The following ZC3H7A variants were observed in gnomAD, a reference collection of about 807,000 sequenced individuals.
ZC3H7A encodes the protein zinc finger CCCH domain-containing protein 7A.
In ZC3H7A, 44 loss-of-function variants were observed where a neutral mutation model predicts 125.5. That is an observed-to-expected ratio of 0.35 (90% CI 0.28 to 0.45). ZC3H7A has a LOEUF of 0.45. ZC3H7A is among the 20% of genes least tolerant of loss of function. ZC3H7A has a pLI of 1.00. For missense variants in ZC3H7A, 977 were observed against 1,170.7 expected, an observed-to-expected ratio of 0.83 and a Z score of 2.41; for synonymous variants, 399 against 391.2, an observed-to-expected ratio of 1.02 and a Z score of -0.23.
rs1361811830 is a variant in ZC3H7A at position 11,768,331 on chromosome 16, G to A, written c.1344C>T (p.Ile448=). 1.3e-6 allele frequency: 2 copies of A among 1,553,398 alleles called. No homozygotes were observed. The highest frequency in any genetic ancestry group is 2.3e-5 in the East Asian group (1 of 44,022). Reference sequence around the variant, plus strand: ...GGTCCTGACCTGATTTTACAAAACAGATCTGGCAAGCTTGTCTCAATTCAT... The same window carrying A: ...GGTCCTGACCTGATTTTACAAAACAAATCTGGCAAGCTTGTCTCAATTCAT... ...GTHELRQACQ[I]CFVKSGPKLM... The change falls in exon 12 of 23, where the codon ATC becomes ATT. Residue 448 remains isoleucine, a synonymous_variant. Transcript: ENST00000355758.
intron 12 of ZC3H7A, among the ~76,000 whole-genome samples, chr16:11,767,849 T>G (rs1211416480): frequency 3.3e-5 from 5 of 152,232 alleles, no homozygotes; most frequent in African/African-American, 1.2e-4. Context: ...AGAGGAATTT[T>G]GATGGCTTAT....
chr16:11,791,625 C>T (rs1247835952), intron 1 of ZC3H7A, among the ~76,000 whole-genome samples: 1 of 152,130 alleles, frequency 6.6e-6, no homozygotes, highest in African/African-American at 2.4e-5. Context: ...AGTTCAGAGG[C>T]CCAGGAGATA....
intron 3 of ZC3H7A, among the ~76,000 whole-genome samples, chr16:11,780,615 C>T (rs548929941): frequency 3.3e-5 from 5 of 152,232 alleles, no homozygotes; most frequent in East Asian, 1.9e-4. Context: ...CCCAGGTCCA[C>T]GTGCAAAATG....
At chr16:11,754,585 C>A (rs1365538764) in intron 21 of ZC3H7A, among the ~76,000 whole-genome samples, 1 of 151,828 alleles carries the variant, frequency 6.6e-6, no homozygotes, top group African/African-American at 2.4e-5. Context: ...TCAAGTGGAA[C>A]TATAGATTAT....
chr16:11,759,661 A>T (rs1344285172), intron 19 of ZC3H7A: 1 of 152,256 alleles, frequency 6.6e-6, no homozygotes, highest in South Asian at 2.1e-4. Flanking sequence ...GTGTTTACAT[A>T]ACACCATCAC....
At position 11,774,408 on chromosome 16, in the gene ZC3H7A, G is replaced by T; in HGVS notation, c.731C>A (p.Ser244Tyr). The T allele has an allele frequency of 1.2e-6, 2 of 1,613,446 alleles. No individual in the cohort carries two copies. The highest frequency in any genetic ancestry group is 1.7e-6 in the Non-Finnish European group (2 of 1,179,618). The change falls in exon 9 of 23, where the codon TCT (serine) becomes TAT (tyrosine). Residue 244 changes from serine to tyrosine, a missense_variant. Physicochemically the swap from Ser to Tyr is moderately radical, Grantham distance 144. Around this residue, in one of 3 missense-constraint regions of ZC3H7A, gnomAD observed 342 missense variants for 311.3 expected, o/e 1.10. Transcript: ENST00000355758. ...LASVPVMPLT[S>Y]ILPLQVEESA... ...CTCTTCCACTTGTAGTGGCAAAATA[G>T]AAGTTAAGGGCATAACAGGAACTGA...
intron 4 of ZC3H7A, 57 bp downstream of exon 4, chr16:11,779,109 A>C: frequency 7.3e-7 from 1 of 1,371,168 alleles, no homozygotes; most frequent in Middle Eastern, 2.6e-4. Context: ...TAATGTACTA[A>C]GTCATTGAAA....
At chr16:11,771,649 C>T (rs956583148) in intron 9 of ZC3H7A, among the ~76,000 whole-genome samples, 12 of 151,492 alleles carry the variant, frequency 7.9e-5, no homozygotes, top group East Asian at 2.0e-4. Flanking sequence ...TACAGGCATG[C>T]GCCACCTCGC....
At chr16:11,766,170 C>G (rs890280662) in intron 13 of ZC3H7A, among the ~76,000 whole-genome samples, 1 of 151,866 alleles carries the variant, frequency 6.6e-6, no homozygotes, top group East Asian at 1.9e-4. Context: ...ATGAAAATAC[C>G]AAGTTCTCTC....
intron 3 of ZC3H7A, among the ~76,000 whole-genome samples, chr16:11,780,715 G>A (rs919534673): frequency 1.3e-5 from 2 of 152,092 alleles, no homozygotes; most frequent in South Asian, 2.1e-4. Flanking sequence ...GAAGAAAAGG[G>A]GAGGAGGGAG....
At chr16:11,779,071 T>G (rs1440383324) in intron 4 of ZC3H7A, 95 bp downstream of exon 4, 24 of 1,121,420 alleles carry the variant, frequency 2.1e-5, no homozygotes, top group Non-Finnish European at 2.5e-5. Context: ...TATGACTTTC[T>G]TAAAAACTTA....
intron 4 of ZC3H7A, among the ~76,000 whole-genome samples, chr16:11,778,035 AAG>A (rs2141203610): frequency 6.6e-6 from 1 of 151,950 alleles, no homozygotes; most frequent in South Asian, 2.1e-4. Context: ...AAAAAAAAAA[AAG>A]TTTTAAAAGG....
intron 9 of ZC3H7A, among the ~76,000 whole-genome samples, chr16:11,773,416 A>T (rs2053021474): frequency 6.6e-6 from 1 of 151,918 alleles, no homozygotes; most frequent in South Asian, 2.1e-4. Flanking sequence ...TCCATATGTC[A>T]CAAAATATTA....
At chr16:11,776,200 C>A in intron 7 of ZC3H7A, 120 bp downstream of exon 7, 1 of 939,940 alleles carries the variant, frequency 1.1e-6, no homozygotes, top group East Asian at 2.5e-5. Context: ...TTGCCAATTA[C>A]GTGTTTGAGG....
At chr16:11,761,741 C>T in intron 18 of ZC3H7A, 169 bp downstream of exon 18, 1 of 968,360 alleles carries the variant, frequency 1.0e-6, no homozygotes, top group Non-Finnish European at 1.5e-6. Flanking sequence ...CTTGTGAATT[C>T]TTATCTACTA....
intron 18 of ZC3H7A, 146 bp from the exon 19 acceptor site, chr16:11,761,657 C>A: frequency 1.1e-6 from 1 of 888,122 alleles, no homozygotes; most frequent in South Asian, 1.8e-5. Context: ...TCTGTATTTT[C>A]ACTTCCTATT....
Position 11,765,012 on chromosome 16 carries a change from A to T in ZC3H7A, c.1820+41T>A, listed in dbSNP as rs2052830503. On this transcript the variant is annotated intron_variant, in intron 15 of 22. Coordinates refer to ENST00000355758, the MANE Select transcript of ZC3H7A (RefSeq NM_014153.4). This position sits in a 1 kb window ranked among gnomAD's most constrained non-coding sequence, Gnocchi z 4.8. ...GTTTTTATTCAGATCTAGAAAAAGA[A>T]TCTATTTTGTCATTACAGAAATTAG... The T allele has an allele frequency of 7.5e-7, 1 of 1,340,126 alleles. No homozygotes were observed. Among genetic ancestry groups the T allele is most frequent in the Non-Finnish European group, 1.0e-6 (1 of 966,006 alleles). 83.0% of individuals were successfully genotyped at this position (1,340,126 alleles called of 1,614,324 possible).
rs770898086 is a variant in ZC3H7A, at chr16:11,763,585, A to C, written c.1895T>G (p.Leu632Arg). The C allele has an allele frequency of 6.2e-7, 1 of 1,612,192 alleles. No individual in the cohort carries two copies. Among genetic ancestry groups the C allele is most frequent in the Non-Finnish European group, 8.5e-7 (1 of 1,179,016 alleles). The change falls in exon 16 of 23, where the codon CTT (leucine) becomes CGT (arginine). Residue 632 changes from leucine (L) to arginine (R), a missense_variant. Coordinates refer to ENST00000355758, the MANE Select transcript of ZC3H7A (RefSeq NM_014153.4). ...CCGAACTTCATGTCGACATAAATCA[A>C]GCTGACACTGACCATGAAAAGAACG... Reference protein sequence around the residue: ...KIRSFHGQCQLDLCRHEVRYG... With the variant: ...KIRSFHGQCQRDLCRHEVRYG...
intron 20 of ZC3H7A, among the ~76,000 whole-genome samples, chr16:11,757,207 G>A (rs34440700): frequency 6.6e-5 from 10 of 152,166 alleles, no homozygotes; most frequent in Admixed American, 2.0e-4. Context: ...GTTCCCAGCC[G>A]GGCACGGTGG....
Sources: gnomAD v4.1 joint callset for allele counts (sites outside exome capture counted in the v4.1 genomes callset) on GRCh38, gnomAD v4.1.1 for gene constraint, gnomAD v4.1.1 regional missense constraint, Gnocchi (gnomAD v3.1) non-coding constraint, MANE v1.5 for transcripts, NCBI Gene and HGNC (gene_info 2026-07-23, HGNC 2026-07-21) for gene names.